Variants in NRXN1 observed in about 807,000 individuals in gnomAD.
NRXN1 encodes neurexin 1.
Under a neutral mutation model 150.9 loss-of-function variants are expected in NRXN1, and 39 were observed. That is an observed-to-expected ratio of 0.26 (90% CI 0.20 to 0.34). The LOEUF is 0.34. Among genes scored for constraint, NRXN1 ranks in the 10% least tolerant of loss-of-function variants. NRXN1 has a pLI of 1.00. For synonymous variants in NRXN1, 924 were observed against 757.0 expected (o/e 1.22, Z -3.62); for missense variants, 1,815 against 1,949.9 (o/e 0.93, Z 1.30).
chr2:50,644,934 C>T (rs991567437), intron 5 of NRXN1, among the ~76,000 whole-genome samples: 3 of 149,390 alleles, frequency 2.0e-5, no homozygotes, highest in Admixed American at 1.3e-4. Context: ...TTTTCAAAAG[C>T]ATGGCTACAT....
rs866627380 is a variant in NRXN1, at chr2:50,033,986, C to T, written c.4128+19285G>A. On this transcript the variant is annotated intron_variant, in intron 21 of 22. Transcript: ENST00000401669. Reference sequence around the variant, plus strand: ...AAAAAGTGGAAAAAAAAAAAAAAAACAAACAGCAGGTGCTGGTGAGGTTGC... The same window carrying T: ...AAAAAGTGGAAAAAAAAAAAAAAAATAAACAGCAGGTGCTGGTGAGGTTGC... 4.4e-5 allele frequency among the ~76,000 whole-genome samples: 6 copies of T among 135,192 alleles called. 1 individual carries two copies. The South Asian group carries it at 1.4e-3, about 32-fold the overall frequency. 88.7% of individuals were successfully genotyped at this position (135,192 alleles called of 152,430 possible).
chr2:50,953,580 G>A, intron 2 of NRXN1, among the ~76,000 whole-genome samples: 1 of 142,744 alleles, frequency 7.0e-6, no homozygotes, highest in Admixed American at 7.0e-5. Context: ...TTTTTGAGAT[G>A]AAGTCTCGCT....
At chr2:50,979,215 G>C (rs1696385289) in intron 2 of NRXN1, 28 of 513,658 alleles carry the variant, frequency 5.5e-5, no homozygotes, top group South Asian at 3.7e-4. Context: ...GATTTCCTCT[G>C]TGATATGAGA....
intron 2 of NRXN1, among the ~76,000 whole-genome samples, chr2:51,024,608 A>C (rs1350320128): frequency 6.6e-6 from 1 of 152,316 alleles, no homozygotes; most frequent in East Asian, 1.9e-4. Context: ...TCATTCAATA[A>C]AAATATTCTG....
intron 8 of NRXN1, among the ~76,000 whole-genome samples, chr2:50,596,238 T>G (rs1404034313): frequency 6.6e-6 from 1 of 152,202 alleles, no homozygotes; most frequent in Non-Finnish European, 1.5e-5. Context: ...TCTGAGTTCT[T>G]TGGATAAATA....
intron 5 of NRXN1, among the ~76,000 whole-genome samples, chr2:50,700,922 T>C (rs1693649708): frequency 6.6e-6 from 1 of 151,976 alleles, no homozygotes; most frequent in South Asian, 2.1e-4. Context: ...CGCCTCGGCC[T>C]CCGAAAGTGC....
At chr2:50,802,949 G>T (rs999627605) in intron 5 of NRXN1, among the ~76,000 whole-genome samples, 4 of 152,150 alleles carry the variant, frequency 2.6e-5, no homozygotes, top group Non-Finnish European at 4.4e-5. Context: ...GAAGCAGAGT[G>T]ACCCTGCCAA....
chr2:50,316,331 T>C (rs7591346), intron 17 of NRXN1, among the ~76,000 whole-genome samples: 35,547 of 151,812 alleles, frequency 0.23, 4,905 homozygotes, highest in East Asian at 0.52. Flanking sequence ...GTGACTTGTA[T>C]TGGGAATAGT....
At chr2:50,274,285 C>A (rs968135065) in intron 17 of NRXN1, among the ~76,000 whole-genome samples, 2 of 152,120 alleles carry the variant, frequency 1.3e-5, no homozygotes, top group Non-Finnish European at 2.9e-5. Context: ...TCTCAGCTAA[C>A]TAACACAGGA....
In NRXN1 at chr2:50,139,275, G is replaced by A. The variant is rs544119246; in HGVS notation, c.3547-47781C>T. ...TGGGAGGCAGAGGTTGCAGTGATCT[G>A]AGATTGTGCCACTGCACTCCAGCCA... is the stretch of plus-strand genomic sequence containing the variant. On this transcript the variant is annotated intron_variant, in intron 18 of 22. Coordinates refer to ENST00000401669, the MANE Select transcript of NRXN1 (RefSeq NM_001330078.2). Among the ~76,000 whole-genome samples, 4 of 143,960 alleles carry A rather than the reference G, an allele frequency of 2.8e-5. No individual in the cohort carries two copies. The South Asian group carries it at 9.1e-4, about 33-fold the overall frequency. 94.4% of individuals were successfully genotyped at this position (143,960 alleles called of 152,430 possible).
intron 5 of NRXN1, among the ~76,000 whole-genome samples, chr2:50,759,235 T>C (rs1160093699): frequency 2.6e-5 from 4 of 151,962 alleles, no homozygotes; most frequent in Non-Finnish European, 5.9e-5. Flanking sequence ...CAATTCTTTT[T>C]TGTTCCTTTA....
intron 22 of NRXN1, among the ~76,000 whole-genome samples, chr2:49,927,732 G>A (rs1669342296): frequency 6.6e-6 from 1 of 152,124 alleles, no homozygotes; most frequent in Admixed American, 6.5e-5. Flanking sequence ...TTTGGTGGGT[G>A]GTGGGACCTT....
At chr2:50,098,856 T>G (rs79032941) in intron 18 of NRXN1, among the ~76,000 whole-genome samples, 806 of 30,266 alleles carry the variant, frequency 0.027, 40 homozygotes, top group African/African-American at 0.096. Flanking sequence ...TTTTTTTTTT[T>G]TTTTTTTTTT....
In NRXN1 at chr2:50,318,992, C is replaced by A. The variant is rs145481812; in HGVS notation, c.3365-82022G>T. Among the ~76,000 whole-genome samples the A allele has an allele frequency of 3.1e-3, 467 of 151,928 alleles. 1 individual carries two copies. The highest frequency in any genetic ancestry group is 0.011 in the African/African-American group (440 of 41,448). ...AAGAAATATTTAATATTGTTAATTG[C>A]AGTTTAATAAACATAATAAGTTTAA... is the stretch of plus-strand genomic sequence containing the variant. On this transcript the variant is annotated intron_variant, in intron 17 of 22. Coordinates refer to ENST00000401669, the MANE Select transcript of NRXN1 (RefSeq NM_001330078.2).
chr2:49,995,758 G>A (rs1290076933), intron 21 of NRXN1, among the ~76,000 whole-genome samples: 28 of 113,912 alleles, frequency 2.5e-4, no homozygotes, highest in African/African-American at 8.4e-4. Context: ...TCCAGCCTGA[G>A]CGACAGAGCG....
chr2:50,629,133 C>T (rs749976295), intron 5 of NRXN1, among the ~76,000 whole-genome samples: 5 of 151,576 alleles, frequency 3.3e-5, no homozygotes, highest in East Asian at 3.9e-4. Flanking sequence ...ATATATCCAA[C>T]AAAAAATACA....
intron 19 of NRXN1, among the ~76,000 whole-genome samples, 167 bp downstream of exon 19, chr2:50,091,156 A>G (rs985151936): frequency 1.3e-5 from 2 of 152,256 alleles, no homozygotes; most frequent in African/African-American, 4.8e-5. Context: ...TGTACACTGT[A>G]GCAAGAACAG....
intron 21 of NRXN1, among the ~76,000 whole-genome samples, chr2:50,027,833 C>A (rs1055557209): frequency 3.9e-5 from 6 of 152,142 alleles, no homozygotes; most frequent in African/African-American, 1.4e-4. Context: ...TGCTTGCCAC[C>A]TAGAATATCT....
At chr2:50,026,967 C>T (rs1167632841) in intron 21 of NRXN1, among the ~76,000 whole-genome samples, 20 of 143,774 alleles carry the variant, frequency 1.4e-4, no homozygotes, top group Admixed American at 2.9e-4. Flanking sequence ...CTGAAACCTC[C>T]GGCTCCCAGG....
Sources: gnomAD v4.1 joint callset for allele counts (sites outside exome capture counted in the v4.1 genomes callset) on GRCh38, gnomAD v4.1.1 for gene constraint, MANE v1.5 for transcripts, NCBI Gene and HGNC (gene_info 2026-07-23, HGNC 2026-07-21) for gene names.